Variants in DDC observed in about 807,000 individuals in gnomAD.
DDC encodes dopa decarboxylase.
A neutral mutation model predicts 60.0 loss-of-function variants in DDC; 43 were observed. That is an observed-to-expected ratio of 0.72 (90% CI 0.56 to 0.92). The LOEUF (loss-of-function observed/expected upper bound fraction) is 0.92. DDC is among the 40% of genes least tolerant of loss of function. The pLI, the probability that DDC is intolerant of heterozygous loss-of-function variation, is 0.00. For synonymous variants in DDC, 232 were observed against 234.6 expected (o/e 0.99, Z 0.10); for missense variants, 573 against 620.2 (o/e 0.92, Z 0.81).
chr7:50,517,431 T>C (rs2043763443), intron 6 of DDC, among the ~76,000 whole-genome samples: 1 of 152,108 alleles, frequency 6.6e-6, no homozygotes, highest in African/African-American at 2.4e-5. Flanking sequence ...TACCTTAATA[T>C]AATAAAATCC....
chr7:50,550,549 A>G (rs1280657581), intron 1 of DDC, among the ~76,000 whole-genome samples: 1 of 152,230 alleles, frequency 6.6e-6, no homozygotes, highest in Non-Finnish European at 1.5e-5. Flanking sequence ...ACACAGCCTC[A>G]GGAAGTCCTT....
intron 2 of DDC, among the ~76,000 whole-genome samples, chr7:50,541,033 A>G (rs1382545242): frequency 2.6e-5 from 4 of 152,242 alleles, no homozygotes; most frequent in Non-Finnish European, 5.9e-5. Flanking sequence ...GGAACAGAAT[A>G]AAGTCCTAAA....
At chr7:50,478,785 A>T (rs913462986) in intron 10 of DDC, among the ~76,000 whole-genome samples, 1 of 149,494 alleles carries the variant, frequency 6.7e-6, no homozygotes, top group South Asian at 2.2e-4. Flanking sequence ...GGCAGCTTGT[A>T]TATTGGTAAT....
At chr7:50,475,517 C>T (rs149080917) in intron 11 of DDC, among the ~76,000 whole-genome samples, 11 of 152,238 alleles carry the variant, frequency 7.2e-5, no homozygotes, top group African/African-American at 2.4e-4. Context: ...TGGCTCACAG[C>T]TGTCACAGGA....
chr7:50,488,824 T>A (rs1336277682), intron 9 of DDC, among the ~76,000 whole-genome samples: 1 of 152,202 alleles, frequency 6.6e-6, no homozygotes, highest in African/African-American at 2.4e-5. Context: ...AAATTTCAAC[T>A]TTAATTTCAT....
intron 6 of DDC, among the ~76,000 whole-genome samples, chr7:50,523,967 T>C (rs1449915708): frequency 6.6e-6 from 1 of 152,150 alleles, no homozygotes; most frequent in East Asian, 1.9e-4. Flanking sequence ...CGTGTTCATA[T>C]CAGAAAACAG....
At chr7:50,482,493 C>T (rs191027284) in intron 9 of DDC, among the ~76,000 whole-genome samples, 5 of 152,254 alleles carry the variant, frequency 3.3e-5, no homozygotes, top group East Asian at 3.9e-4. Flanking sequence ...CATCTGTGCC[C>T]GCGCTGGTGC....
intron 6 of DDC, among the ~76,000 whole-genome samples, chr7:50,514,459 C>T (rs138997483): frequency 4.4e-4 from 67 of 152,246 alleles, no homozygotes; most frequent in African/African-American, 1.6e-3. Context: ...AGTTCACCAG[C>T]AATGGATCCA....
At chr7:50,461,163 T>C (rs1247139587) in intron 14 of DDC, among the ~76,000 whole-genome samples, 2 of 152,204 alleles carry the variant, frequency 1.3e-5, no homozygotes, top group East Asian at 1.9e-4. Flanking sequence ...ACAGAGACAA[T>C]TGTGCAATGC....
chr7:50,551,743 C>G (rs1490351103), intron 1 of DDC, among the ~76,000 whole-genome samples: 2 of 152,062 alleles, frequency 1.3e-5, no homozygotes, highest in Non-Finnish European at 2.9e-5. Context: ...TTTTGTTGGA[C>G]CCAATTTGCT....
intron 4 of DDC, among the ~76,000 whole-genome samples, chr7:50,532,153 CT>C (rs2044237384): frequency 6.6e-6 from 1 of 152,204 alleles, no homozygotes; most frequent in African/African-American, 2.4e-5. Context: ...GGCTCACAGG[CT>C]GTCACCAGGC....
intron 9 of DDC, among the ~76,000 whole-genome samples, chr7:50,486,628 G>A (rs2042885160): frequency 6.6e-6 from 1 of 152,124 alleles, no homozygotes; most frequent in South Asian, 2.1e-4. Flanking sequence ...ACATGTTGAA[G>A]CTCCACCTCC....
intron 1 of DDC, among the ~76,000 whole-genome samples, chr7:50,555,702 G>T (rs917697869): frequency 1.5e-4 from 23 of 152,142 alleles, no homozygotes; most frequent in Non-Finnish European, 2.9e-4. Context: ...CTCTTTGCCT[G>T]GTTCTCGTAT....
chr7:50,527,945 G>A (rs2044083945), intron 6 of DDC, 192 bp downstream of exon 6: 1 of 561,756 alleles, frequency 1.8e-6, no homozygotes, highest in Non-Finnish European at 3.1e-6. Flanking sequence ...CACACAGGCT[G>A]GAGTGCAGCG....
chr7:50,540,123 G>A (rs2044574379), intron 2 of DDC, 95 bp from the exon 3 acceptor site: 3 of 879,436 alleles, frequency 3.4e-6, no homozygotes, highest in Non-Finnish European at 5.6e-6. Context: ...CCAGCTGCCA[G>A]ATGCAGCCAG....
rs549871126 is a variant in DDC at position 50,520,537 on chromosome 7, T to G, written c.714+7600A>C. Among the ~76,000 whole-genome samples, 13 of 152,316 alleles carry G rather than the reference T, an allele frequency of 8.5e-5. No homozygotes were observed. The South Asian group carries it at 2.1e-3, about 24-fold the overall frequency. Reference sequence around the variant, plus strand: ...GTACTTAAAGGGAAATTTACAGAACTGAATGAGTACATTAGAAAAGAAGGG... The same window carrying G: ...GTACTTAAAGGGAAATTTACAGAACGGAATGAGTACATTAGAAAAGAAGGG... On this transcript the variant is annotated intron_variant, in intron 6 of 14. Transcript: ENST00000444124.
chr7:50,492,336 T>C (rs544295941), intron 9 of DDC, among the ~76,000 whole-genome samples: 3 of 152,372 alleles, frequency 2.0e-5, no homozygotes, highest in Admixed American at 6.5e-5. Flanking sequence ...TCAACATTCA[T>C]GCCATTTTTA....
rs186418875 is a variant in DDC, at chr7:50,478,166, T to C, written c.1022-1523A>G. Among the ~76,000 whole-genome samples, 18 of 152,094 alleles carry C rather than the reference T, an allele frequency of 1.2e-4. No individual in the cohort carries two copies. In the East Asian group the frequency reaches 3.3e-3, roughly 28 times the overall value. On this transcript the variant is annotated intron_variant, in intron 10 of 14. Coordinates refer to ENST00000444124, the MANE Select transcript of DDC (RefSeq NM_001082971.2). ...AGGTGGAGGCTGCAGAGAGCCAAGGTTGCACCACTGCATTCCAGCTTGGGT... is the reference window on the plus strand; with the variant it reads ...AGGTGGAGGCTGCAGAGAGCCAAGGCTGCACCACTGCATTCCAGCTTGGGT...
intron 11 of DDC, among the ~76,000 whole-genome samples, 186 bp downstream of exon 11, chr7:50,476,438 T>C (rs1409368600): frequency 1.3e-5 from 2 of 152,196 alleles, no homozygotes; most frequent in Admixed American, 1.3e-4. Context: ...GACCTCTGAC[T>C]GAGGGGTTCA....
Sources: allele counts gnomAD v4.1 joint callset (sites outside exome capture counted in the v4.1 genomes callset), GRCh38; gene constraint gnomAD v4.1.1; transcripts MANE v1.5; gene names NCBI Gene and HGNC (gene_info 2026-07-23, HGNC 2026-07-21).